Variants in PRELID2 observed in about 807,000 individuals in gnomAD.
PRELID2 encodes the protein PRELI domain containing 2.
PRELID2 carries 25 observed loss-of-function variants against 28.4 expected under a neutral mutation model. That is an observed-to-expected ratio of 0.88 (90% confidence interval 0.64 to 1.23). PRELID2 has a LOEUF of 1.23. PRELID2 is among the 50% of genes most tolerant of loss of function. The probability of loss-of-function intolerance (pLI) is 0.00; values close to 1 mark genes in which losing one functional copy is unlikely to be tolerated. For missense variants in PRELID2, 201 were observed against 214.4 expected (o/e 0.94, Z 0.39); for synonymous variants, 76 against 71.6 (o/e 1.06, Z -0.31).
At chr5:145,393,269 A>T in the PRELID2 span, among the ~76,000 whole-genome samples, 1 of 145,278 alleles carries the variant, frequency 6.9e-6, no homozygotes, top group Non-Finnish European at 1.5e-5. Context: ...CTTTGATTTC[A>T]GAACTAAAGC....
At chr5:145,358,863 T>C in the PRELID2 span, among the ~76,000 whole-genome samples, 1 of 152,220 alleles carries the variant, frequency 6.6e-6, no homozygotes, top group Non-Finnish European at 1.5e-5. Context: ...GCTTCTTCTT[T>C]GTAAGCTTTT....
the PRELID2 span, among the ~76,000 whole-genome samples, chr5:145,424,392 C>A: frequency 1.4e-4 from 22 of 152,326 alleles, no homozygotes; most frequent in Middle Eastern, 3.4e-3. Context: ...AGCGAGACTC[C>A]GTGAGCGTTG....
rs1018675157 is a variant in PRELID2, at chr5:145,809,508, C to G, written c.368+8386G>C. On this transcript the variant is annotated intron_variant, in intron 4 of 6. Transcript: ENST00000683046. ...CCTGGCCATGGGCCTATGCAGGGCCCTGGGAGAGCTTTTGCTTTTCCACCT... is the reference window on the plus strand; with the variant it reads ...CCTGGCCATGGGCCTATGCAGGGCCGTGGGAGAGCTTTTGCTTTTCCACCT... 2.6e-5 allele frequency among the ~76,000 whole-genome samples: 4 copies of G among 152,028 alleles called. No individual in the cohort carries two copies. In the South Asian group the frequency reaches 8.3e-4, roughly 32 times the overall value.
At chr5:145,574,471 C>T (rs1045962532) in intron 1 of PRELID2, among the ~76,000 whole-genome samples, 3 of 152,162 alleles carry the variant, frequency 2.0e-5, no homozygotes, top group African/African-American at 7.2e-5. Flanking sequence ...CCTCTATCTA[C>T]CCTGCTGCCC....
At chr5:145,705,154 A>G (rs1163818580) in intron 1 of PRELID2, among the ~76,000 whole-genome samples, 1 of 152,192 alleles carries the variant, frequency 6.6e-6, no homozygotes, top group African/African-American at 2.4e-5. Flanking sequence ...AAGCACTCTA[A>G]CAACTGATAA....
At chr5:145,709,329 TC>T (rs1755628011) in intron 1 of PRELID2, among the ~76,000 whole-genome samples, 1 of 152,142 alleles carries the variant, frequency 6.6e-6, no homozygotes, top group African/African-American at 2.4e-5. Flanking sequence ...CTGTGCTATC[TC>T]CCCCAGGTGA....
chr5:145,345,398 C>T, the PRELID2 span, among the ~76,000 whole-genome samples: 2 of 151,852 alleles, frequency 1.3e-5, no homozygotes, highest in South Asian at 4.1e-4. Flanking sequence ...AGACTCCAAA[C>T]TCACCTATAA....
At chr5:145,636,535 C>T (rs1754004352) in intron 1 of PRELID2, among the ~76,000 whole-genome samples, 1 of 152,206 alleles carries the variant, frequency 6.6e-6, no homozygotes, top group African/African-American at 2.4e-5. Context: ...TGTCCCAAAT[C>T]CTGACCTATT....
chr5:145,586,707 G>T (rs1433032), intron 1 of PRELID2, among the ~76,000 whole-genome samples: 10,869 of 152,062 alleles, frequency 0.071, 583 homozygotes, highest in Admixed American at 0.18. Flanking sequence ...CTGAGCATGA[G>T]GTAGGTCAGA....
chr5:145,427,107 A>G, the PRELID2 span, among the ~76,000 whole-genome samples: 1 of 152,256 alleles, frequency 6.6e-6, no homozygotes, highest in Non-Finnish European at 1.5e-5. Context: ...ATTTACAAAT[A>G]TCATCCTGTT....
At chr5:145,603,533 A>G (rs1753429670) in intron 1 of PRELID2, among the ~76,000 whole-genome samples, 1 of 152,186 alleles carries the variant, frequency 6.6e-6, no homozygotes, top group Admixed American at 6.5e-5. Context: ...GTTCACCGCC[A>G]GAAGACTTAC....
chr5:145,458,916 G>A, the PRELID2 span, among the ~76,000 whole-genome samples: 1 of 152,084 alleles, frequency 6.6e-6, no homozygotes, highest in Non-Finnish European at 1.5e-5. Flanking sequence ...GCTTAGAAAC[G>A]GGTTGAAAAA....
the PRELID2 span, among the ~76,000 whole-genome samples, chr5:145,453,555 T>C: frequency 6.6e-6 from 1 of 152,164 alleles, no homozygotes; most frequent in African/African-American, 2.4e-5. Flanking sequence ...GGTGGTTTGC[T>C]GCACCCATCA....
chr5:145,421,253 G>C, the PRELID2 span, among the ~76,000 whole-genome samples: 2 of 147,164 alleles, frequency 1.4e-5, no homozygotes, highest in Non-Finnish European at 3.0e-5. Flanking sequence ...CTCATAAAAT[G>C]AGTTAGGGAG....
rs2149759452 is a variant in PRELID2 at position 145,758,855 on chromosome 5, GATACA to G, written c.*1676_*1680del. 6.6e-6 allele frequency among the ~76,000 whole-genome samples: 1 copy of G among 152,128 alleles called. No individual in the cohort carries two copies. The highest frequency in any genetic ancestry group is 1.9e-4 in the East Asian group (1 of 5,172). On this transcript the variant is annotated 3_prime_UTR_variant, in exon 7 of 7. Transcript: ENST00000683046. ...AAATTCAGGCAGCACAAAGAGCTCA[GATACA>G]ATAAGAACAGGCTCACAGTGGCAGG...
At chr5:145,599,737 T>G (rs1479369102) in intron 1 of PRELID2, among the ~76,000 whole-genome samples, 2 of 152,192 alleles carry the variant, frequency 1.3e-5, no homozygotes, top group Non-Finnish European at 2.9e-5. Flanking sequence ...AAATTTCAGA[T>G]AAGATCCCTG....
intron 1 of PRELID2, among the ~76,000 whole-genome samples, chr5:145,624,801 A>G (rs1432307270): frequency 2.6e-5 from 4 of 152,206 alleles, no homozygotes; most frequent in African/African-American, 7.2e-5. Flanking sequence ...GTGAAGCATC[A>G]AGCCACAAAC....
intron 1 of PRELID2, among the ~76,000 whole-genome samples, chr5:145,562,610 T>C (rs1327768402): frequency 1.3e-5 from 2 of 152,198 alleles, no homozygotes; most frequent in African/African-American, 4.8e-5. Flanking sequence ...GAAATAAAGA[T>C]AGATTCTGTT....
chr5:145,595,956 T>A (rs1374582945), intron 1 of PRELID2, among the ~76,000 whole-genome samples: 1 of 151,904 alleles, frequency 6.6e-6, no homozygotes, highest in Non-Finnish European at 1.5e-5. Context: ...CCAGGTGTGG[T>A]GGCACACACC....
Sources: gnomAD v4.1 joint callset for allele counts (sites outside exome capture counted in the v4.1 genomes callset) on GRCh38, gnomAD v4.1.1 for gene constraint, MANE v1.5 for transcripts, NCBI Gene and HGNC (gene_info 2026-07-23, HGNC 2026-07-21) for gene names.